Variants in SMIM8 observed in about 807,000 individuals in gnomAD.
SMIM8 encodes UPF0708 protein C6orf162.
A neutral mutation model predicts 8.1 loss-of-function variants in SMIM8; 8 were observed. The ratio of observed to expected loss-of-function variants is 0.99; its 90% CI spans 0.58 to 1.78. The LOEUF is 1.78. Among genes scored for constraint, SMIM8 ranks in the 40% most tolerant of loss-of-function variants. The pLI is 0.00. For synonymous variants in SMIM8, 45 were observed against 39.7 expected (o/e 1.13, Z -0.50); for missense variants, 126 against 119.8 (o/e 1.05, Z -0.24).
At chr6:87,327,436 T>G (rs1776855878) in intron 1 of SMIM8, among the ~76,000 whole-genome samples, 1 of 152,226 alleles carries the variant, frequency 6.6e-6, no homozygotes, top group Admixed American at 6.5e-5. Flanking sequence ...AGGAGCTCTT[T>G]TAGGGCAGGC....
intron 3 of SMIM8, among the ~76,000 whole-genome samples, chr6:87,339,200 G>GA (rs1205479068): frequency 6.6e-6 from 1 of 152,156 alleles, no homozygotes; most frequent in Non-Finnish European, 1.5e-5. Context: ...AGCTTGGGAG[G>GA]CTGAGGCAGG....
rs1233613846 is a variant in SMIM8 at position 87,337,168 on chromosome 6, T to A, written c.135+2T>A. The A allele has an allele frequency of 1.9e-6, 3 of 1,607,382 alleles. No individual in the cohort carries two copies. In the South Asian group the frequency reaches 3.4e-5, roughly 18 times the overall value. On this transcript the variant is annotated splice_donor_variant, in intron 3 of 3. Transcript: ENST00000392863. LOFTEE classifies it high-confidence loss of function. ...AATCCAGAGCTCTTCATTAAACCTGTAAGAAATACATCCAGGATAAGACTT... is the reference window on the plus strand; with the variant it reads ...AATCCAGAGCTCTTCATTAAACCTGAAAGAAATACATCCAGGATAAGACTT...
chr6:87,340,306 A>T lies in SMIM8; in HGVS notation c.*32A>T. The T allele has an allele frequency of 6.6e-7, 1 of 1,507,832 alleles. No individual in the cohort carries two copies. Among genetic ancestry groups the T allele is most frequent in the Admixed American group, 2.4e-5 (1 of 41,914 alleles). The allele number at this position is 1,507,832 out of a possible 1,614,324, so 93.4% of individuals were successfully genotyped here. On this transcript the variant is annotated 3_prime_UTR_variant, in exon 4 of 4. Coordinates refer to ENST00000392863, the MANE Select transcript of SMIM8 (RefSeq NM_001042493.3). ...TGGTTAGTGCAGATGGACCTTTATT[A>T]AAGGTTCTGAAATCTTCAAATGAAA...
intron 3 of SMIM8, among the ~76,000 whole-genome samples, chr6:87,339,509 C>T (rs1262333652): frequency 1.3e-5 from 2 of 151,316 alleles, no homozygotes; most frequent in African/African-American, 4.9e-5. Flanking sequence ...TTGGATTGTC[C>T]AAGAGTAAAT....
chr6:87,327,947 CT>C (rs1169203166), intron 1 of SMIM8, among the ~76,000 whole-genome samples: 7 of 146,670 alleles, frequency 4.8e-5, no homozygotes, highest in Non-Finnish European at 9.0e-5. Flanking sequence ...GGAGGCTTTG[CT>C]TGTTTCTTTT....
At chr6:87,325,020 C>T (rs547999079) in intron 1 of SMIM8, among the ~76,000 whole-genome samples, 448 of 152,006 alleles carry the variant, frequency 2.9e-3, no homozygotes, top group African/African-American at 0.01. Context: ...GTATTTTATT[C>T]TCTTTGAAGC....
At chr6:87,338,136 C>A (rs1383155532) in intron 3 of SMIM8, among the ~76,000 whole-genome samples, 2 of 152,138 alleles carry the variant, frequency 1.3e-5, no homozygotes, top group Non-Finnish European at 2.9e-5. Context: ...CTAATGTGTT[C>A]TTTTAATTGC....
chr6:87,333,951 G>A (rs1171229254), intron 2 of SMIM8, among the ~76,000 whole-genome samples: 1 of 152,188 alleles, frequency 6.6e-6, no homozygotes, highest in Non-Finnish European at 1.5e-5. Flanking sequence ...GAAGCATGGT[G>A]CCAGCATCTG....
intron 1 of SMIM8, among the ~76,000 whole-genome samples, chr6:87,327,329 C>G (rs1278343372): frequency 1.3e-5 from 2 of 151,734 alleles, no homozygotes; most frequent in East Asian, 3.9e-4. Context: ...CGTTATTTTG[C>G]TCGTTAGTTG....
intron 3 of SMIM8, among the ~76,000 whole-genome samples, chr6:87,339,413 CGTGTGT>C (rs554628565): frequency 3.4e-4 from 30 of 88,452 alleles, no homozygotes; most frequent in Admixed American, 2.0e-3. Flanking sequence ...CAAAACACAG[CGTGTGT>C]GTGTGTGTGT....
At chr6:87,328,303 G>A (rs1461365231) in intron 1 of SMIM8, among the ~76,000 whole-genome samples, 3 of 152,186 alleles carry the variant, frequency 2.0e-5, no homozygotes, top group African/African-American at 4.8e-5. Context: ...GAGGAACTGC[G>A]TTCCTTTGGA....
intron 1 of SMIM8, among the ~76,000 whole-genome samples, chr6:87,327,894 A>G (rs1192100564): frequency 6.7e-6 from 1 of 150,000 alleles, no homozygotes; most frequent in Non-Finnish European, 1.5e-5. Flanking sequence ...AGGTACACCA[A>G]TCAGACGTAG....
At chr6:87,339,289 G>T (rs2127925672) in intron 3 of SMIM8, among the ~76,000 whole-genome samples, 1 of 151,626 alleles carries the variant, frequency 6.6e-6, no homozygotes, top group African/African-American at 2.4e-5. Context: ...GCAACAGAAT[G>T]AAATCCTGTC....
rs1318109822 is a variant in SMIM8 at position 87,341,680 on chromosome 6, G to A, written c.*1406G>A. On this transcript the variant is annotated 3_prime_UTR_variant, in exon 4 of 4. Coordinates refer to ENST00000392863, the MANE Select transcript of SMIM8 (RefSeq NM_001042493.3). ...GTAAGGTACATGAAAATGTAATTAT[G>A]TGTGATTTGTAGGTATTAAAGAACT... 1 of 168,500 alleles carries A rather than the reference G, an allele frequency of 5.9e-6. No homozygotes were observed. The highest frequency in any genetic ancestry group is 1.3e-5 in the Non-Finnish European group (1 of 79,262). 10.4% of individuals were successfully genotyped at this position (168,500 alleles called of 1,614,324 possible).
chr6:87,338,994 A>T (rs1322987037), intron 3 of SMIM8, among the ~76,000 whole-genome samples: 1 of 139,270 alleles, frequency 7.2e-6, no homozygotes. Context: ...GGATCTCTTG[A>T]GGCCAGGAGT....
intron 3 of SMIM8, among the ~76,000 whole-genome samples, chr6:87,339,789 C>T (rs1201724935): frequency 6.6e-6 from 1 of 152,168 alleles, no homozygotes; most frequent in East Asian, 1.9e-4. Flanking sequence ...ACCCAGATAA[C>T]ATTGAAAACT....
chr6:87,341,969 G>A lies in SMIM8; in HGVS notation c.*1695G>A, dbSNP rs1427409578. ...TTTTTACTATTCAACAGAATAAGCT[G>A]ATGTTTGGTGGCAGAGGAGTTATTA... On this transcript the variant is annotated 3_prime_UTR_variant, in exon 4 of 4. Transcript: ENST00000392863. 6.6e-6 allele frequency: 1 copy of A among 152,200 alleles called. No individual in the cohort carries two copies. Among genetic ancestry groups the A allele is most frequent in the African/African-American group, 2.4e-5 (1 of 41,444 alleles). The allele number at this position is 152,200 out of a possible 1,614,324, so 9.4% of individuals were successfully genotyped here. A position where few individuals can be genotyped will look rare whatever the true frequency, so the allele number is the denominator to read the frequency against.
At chr6:87,324,652 AT>A (rs373180779) in intron 1 of SMIM8, among the ~76,000 whole-genome samples, 59,118 of 150,224 alleles carry the variant, frequency 0.39, 12,537 homozygotes, top group Non-Finnish European at 0.48. Flanking sequence ...TACCAGTACC[AT>A]GCTGTTTTGG....
intron 2 of SMIM8, among the ~76,000 whole-genome samples, chr6:87,332,344 A>ATATATATATATATATATATATATATATAT (rs1490339070): frequency 7.0e-6 from 1 of 143,332 alleles, no homozygotes; most frequent in African/African-American, 2.7e-5. Context: ...TATATATATA[A>ATATATATATATATATATATATATATATAT]ATGACAGCAG....
Sources: gnomAD v4.1 joint callset for allele counts (sites outside exome capture counted in the v4.1 genomes callset) on GRCh38, gnomAD v4.1.1 for gene constraint, MANE v1.5 for transcripts, NCBI Gene and HGNC (gene_info 2026-07-23, HGNC 2026-07-21) for gene names.